SSTR2: variants seen among roughly 807,000 people sequenced by gnomAD.
The protein encoded by SSTR2 is somatostatin receptor type 2.
SSTR2 carries 10 observed loss-of-function variants against 21.4 expected under a neutral mutation model. That is an observed-to-expected ratio of 0.47 (90% confidence interval 0.29 to 0.79). The LOEUF (loss-of-function observed/expected upper bound fraction) is 0.79, where lower values mean the gene tolerates loss of function less well. Among genes scored for constraint, SSTR2 ranks in the 30% least tolerant of loss-of-function variants. The pLI is 0.10. For synonymous variants in SSTR2, 177 were observed against 181.3 expected (o/e 0.98, Z 0.19); for missense variants, 364 against 468.8 (o/e 0.78, Z 2.06).
intron 1 of SSTR2, among the ~76,000 whole-genome samples, chr17:73,166,193 C>A (rs1683745203): frequency 6.6e-6 from 1 of 152,264 alleles, no homozygotes; most frequent in Non-Finnish European, 1.5e-5. Context: ...CGGCTTTTCC[C>A]AGGCGCTCAC....
chr17:73,165,996 G>C (rs2061215068), intron 1 of SSTR2, among the ~76,000 whole-genome samples: 1 of 151,600 alleles, frequency 6.6e-6, no homozygotes, highest in African/African-American at 2.4e-5. Context: ...GGGCGTGCTG[G>C]CGCCACAATC....
At position 73,169,103 on chromosome 17, in the gene SSTR2, T is replaced by C. The variant is rs1245307844; in HGVS notation, c.-92-125T>C. On this transcript the variant is annotated intron_variant, in intron 1 of 1. Transcript: ENST00000357585. The surrounding 1 kb of genome is among the most constrained non-coding windows in gnomAD (Gnocchi z 5.2). ...GAGGAACTCTAGAGCTTAATGTTGA[T>C]GTGGAAAGATAATACATTTTTCAAT... is the stretch of plus-strand genomic sequence containing the variant. 1.2e-5 allele frequency: 7 copies of C among 581,748 alleles called. No individual in the cohort carries two copies. The highest frequency in any genetic ancestry group is 2.1e-5 in the Non-Finnish European group (7 of 331,408). The allele number at this position is 581,748 out of a possible 1,614,324, so 36.0% of individuals were successfully genotyped here.
chr17:73,170,991 G>T lies in SSTR2; in HGVS notation c.*562G>T. 1 of 299,682 alleles carries T rather than the reference G, an allele frequency of 3.3e-6. No homozygotes were observed. The highest frequency in any genetic ancestry group is 7.0e-6 in the Non-Finnish European group (1 of 143,380). 18.6% of individuals were successfully genotyped at this position (299,682 alleles called of 1,614,324 possible). On this transcript the variant is annotated 3_prime_UTR_variant, in exon 2 of 2. Coordinates refer to ENST00000357585, the MANE Select transcript of SSTR2 (RefSeq NM_001050.3). ...ACGGGCCTTGCCAAGGCCCAGGAGG[G>T]ACTTGGGCAGTATGTTCATGTGGTC...
In SSTR2 at chr17:73,169,571, C is replaced by T. The variant is rs1478947277; in HGVS notation, c.252C>T (p.Asn84=). The T allele has an allele frequency of 2.5e-6, 4 of 1,614,162 alleles. No individual in the cohort carries two copies. Among genetic ancestry groups the T allele is most frequent in the Non-Finnish European group, 3.4e-6 (4 of 1,180,062 alleles). ...CCATCACCAACATTTACATCCTCAACCTGGCCATCGCAGATGAGCTCTTCA... is the reference window on the plus strand; with the variant it reads ...CCATCACCAACATTTACATCCTCAATCTGGCCATCGCAGATGAGCTCTTCA... ...MKTITNIYIL[N]LAIADELFML... is the part of the protein sequence containing the mutation. The change falls in exon 2 of 2, where the codon AAC becomes AAT. Residue 84 remains asparagine (N), a synonymous_variant. Coordinates refer to ENST00000357585, the MANE Select transcript of SSTR2 (RefSeq NM_001050.3). The surrounding 1 kb of genome is among the most constrained non-coding windows in gnomAD (Gnocchi z 5.2).
Position 73,169,434 on chromosome 17 carries a change from G to C in SSTR2, c.115G>C (p.Asp39His), listed in dbSNP as rs779149195. 3 of 1,614,228 alleles carry C rather than the reference G, an allele frequency of 1.9e-6. No homozygotes were observed. Among genetic ancestry groups the C allele is most frequent in the Middle Eastern group, 1.6e-4 (1 of 6,062 alleles). Residue 39 changes from aspartate (D) to histidine (H), a missense_variant, in exon 2 of 2, where the codon GAC (aspartate) becomes CAC (histidine). Around this residue, in one of 4 missense-constraint regions of SSTR2, gnomAD observed 75 missense variants for 75.4 expected, o/e 0.99. Transcript: ENST00000357585. This position sits in a 1 kb window ranked among gnomAD's most constrained non-coding sequence, Gnocchi z 5.2. ...CTCAAACCAGACAGAGCCGTACTATGACCTGACAAGCAATGCAGTCCTCAC... is the reference window on the plus strand; with the variant it reads ...CTCAAACCAGACAGAGCCGTACTATCACCTGACAAGCAATGCAGTCCTCAC... ...NTSNQTEPYY[D>H]LTSNAVLTFI...
At position 73,170,603 on chromosome 17, in the gene SSTR2, A is replaced by G. The variant is rs950788878; in HGVS notation, c.*174A>G. ...TTGAGTCAGCTTGTCTGATTGAATG[A>G]TAATGTGCTAAATTGATTACCTCCC... is the stretch of plus-strand genomic sequence containing the variant. On this transcript the variant is annotated 3_prime_UTR_variant, in exon 2 of 2. Transcript: ENST00000357585. 6 of 834,852 alleles carry G rather than the reference A, an allele frequency of 7.2e-6. No homozygotes were observed. The highest frequency in any genetic ancestry group is 1.7e-5 in the African/African-American group (1 of 59,102). The allele number at this position is 834,852 out of a possible 1,614,324, so 51.7% of individuals were successfully genotyped here. A position where few individuals can be genotyped will look rare whatever the true frequency, so the allele number is the denominator to read the frequency against.
At chr17:73,166,692 C>T (rs1192891148) in intron 1 of SSTR2, among the ~76,000 whole-genome samples, 2 of 152,168 alleles carry the variant, frequency 1.3e-5, no homozygotes, top group Non-Finnish European at 2.9e-5. Flanking sequence ...CTCTGGAAGA[C>T]CTTAAGCGGC....
In SSTR2 at chr17:73,171,252, T is replaced by C. The variant is rs1365067163; in HGVS notation, c.*823T>C. 1 of 167,510 alleles carries C rather than the reference T, an allele frequency of 6.0e-6. No individual in the cohort carries two copies. Among genetic ancestry groups the C allele is most frequent in the Non-Finnish European group, 1.5e-5 (1 of 68,466 alleles). 10.4% of individuals were successfully genotyped at this position (167,510 alleles called of 1,614,324 possible). On this transcript the variant is annotated 3_prime_UTR_variant, in exon 2 of 2. Coordinates refer to ENST00000357585, the MANE Select transcript of SSTR2 (RefSeq NM_001050.3). ...TCAGATATAGTCAGAGAATTATTCATTTGCCCAAAAGGACTTAAGTGGTTG... is the reference window on the plus strand; with the variant it reads ...TCAGATATAGTCAGAGAATTATTCACTTGCCCAAAAGGACTTAAGTGGTTG...
In SSTR2 at chr17:73,172,584, C is replaced by A. The variant is rs1196239568; in HGVS notation, c.*2155C>A. The stretch of plus-strand genomic sequence containing the variant: ...TCAATAAGATTTTGGATAGATAAAT[C>A]CATACAAAAATAAAAAGAGGTATAG... On this transcript the variant is annotated 3_prime_UTR_variant, in exon 2 of 2. Transcript: ENST00000357585. The A allele has an allele frequency of 6.6e-6, 1 of 152,060 alleles. No homozygotes were observed. The highest frequency in any genetic ancestry group is 1.9e-4 in the East Asian group (1 of 5,198). 9.4% of individuals were successfully genotyped at this position (152,060 alleles called of 1,614,324 possible).
At position 73,170,848 on chromosome 17, in the gene SSTR2, A is replaced by G; in HGVS notation, c.*419A>G. 2.4e-6 allele frequency: 1 copy of G among 410,450 alleles called. No homozygotes were observed. The highest frequency in any genetic ancestry group is 1.9e-5 in the South Asian group (1 of 53,586). The allele number at this position is 410,450 out of a possible 1,614,324, so 25.4% of individuals were successfully genotyped here. A position where few individuals can be genotyped will look rare whatever the true frequency, so the allele number is the denominator to read the frequency against. ...ATTACCTACGTTCCTGTGTTTACAT[A>G]CACAAGTAGCAAATTCGAGTATGCA... On this transcript the variant is annotated 3_prime_UTR_variant, in exon 2 of 2. Transcript: ENST00000357585.
chr17:73,167,237 T>C (rs1253005116), intron 1 of SSTR2, among the ~76,000 whole-genome samples: 4 of 152,208 alleles, frequency 2.6e-5, no homozygotes, highest in Non-Finnish European at 2.9e-5. Context: ...TTTTACGCAA[T>C]GCAGACATGA....
In SSTR2 at chr17:73,173,401, C is replaced by A. The variant is rs1410638947; in HGVS notation, c.*2972C>A. ...GGCCTTTAAATCTGATGCTATAATT[C>A]CATCCAAATACACAGTTAGGTTTCT... is the stretch of plus-strand genomic sequence containing the variant. On this transcript the variant is annotated 3_prime_UTR_variant, in exon 2 of 2. Coordinates refer to ENST00000357585, the MANE Select transcript of SSTR2 (RefSeq NM_001050.3). The A allele has an allele frequency of 6.6e-6, 1 of 152,166 alleles. No homozygotes were observed. Among genetic ancestry groups the A allele is most frequent in the Non-Finnish European group, 1.5e-5 (1 of 68,038 alleles). 9.4% of individuals were successfully genotyped at this position (152,166 alleles called of 1,614,324 possible).
intron 1 of SSTR2, among the ~76,000 whole-genome samples, chr17:73,167,537 T>G (rs1488619489): frequency 6.6e-6 from 1 of 152,216 alleles, no homozygotes; most frequent in African/African-American, 2.4e-5. Flanking sequence ...CCAAGTGAAT[T>G]AGTCCCACTC....
At position 73,174,242 on chromosome 17, in the gene SSTR2, G is replaced by A. The variant is rs572859365; in HGVS notation, c.*3813G>A. On this transcript the variant is annotated 3_prime_UTR_variant, in exon 2 of 2. Transcript: ENST00000357585. ...TGCAGAGAGGAACACGCGGGCCAGT[G>A]GATGAGGCTTCTAGACCTGGCAGTG... 2.0e-5 allele frequency: 3 copies of A among 152,290 alleles called. No homozygotes were observed. Among genetic ancestry groups the A allele is most frequent in the African/African-American group, 7.2e-5 (3 of 41,570 alleles). 9.4% of individuals were successfully genotyped at this position (152,290 alleles called of 1,614,324 possible). A position where few individuals can be genotyped will look rare whatever the true frequency, so the allele number is the denominator to read the frequency against.
rs1291466670 is a variant in SSTR2 at position 73,175,432 on chromosome 17, C to T, written c.*5003C>T. ...GCCTCAGCCTCCCAAGTAGCAGGGACTACAGGCACGTGCCACCACGCCCAG... is the reference window on the plus strand; with the variant it reads ...GCCTCAGCCTCCCAAGTAGCAGGGATTACAGGCACGTGCCACCACGCCCAG... On this transcript the variant is annotated 3_prime_UTR_variant, in exon 2 of 2. Transcript: ENST00000357585. The T allele has an allele frequency of 6.6e-6, 1 of 152,020 alleles. No individual in the cohort carries two copies. Among genetic ancestry groups the T allele is most frequent in the Non-Finnish European group, 1.5e-5 (1 of 68,072 alleles). 9.4% of individuals were successfully genotyped at this position (152,020 alleles called of 1,614,324 possible).
At chr17:73,167,675 C>A (rs963059653) in intron 1 of SSTR2, among the ~76,000 whole-genome samples, 4 of 152,166 alleles carry the variant, frequency 2.6e-5, no homozygotes, top group Non-Finnish European at 5.9e-5. Context: ...TCCTCTGAGT[C>A]CCCCAGGAAA....
rs1211409631 is a variant in SSTR2, at chr17:73,169,389, T to C, written c.70T>C (p.Ser24Pro). ...ATCCATTCCATTTGACCTCAATGGC[T>C]CTGTGGTGTCAACCAACACCTCAAA... Reference protein sequence around the residue: ...WLSIPFDLNGSVVSTNTSNQT... With the variant: ...WLSIPFDLNGPVVSTNTSNQT... The change falls in exon 2 of 2, where the codon TCT becomes CCT. Residue 24 changes from serine (S) to proline (P), a missense_variant. Physicochemically the swap from Ser to Pro is moderately conservative, Grantham distance 74. Around this residue, in one of 4 missense-constraint regions of SSTR2, gnomAD observed 75 missense variants for 75.4 expected, o/e 0.99. Transcript: ENST00000357585. The surrounding 1 kb of genome is among the most constrained non-coding windows in gnomAD (Gnocchi z 5.2). 8.7e-6 allele frequency: 14 copies of C among 1,614,066 alleles called. No homozygotes were observed. Among genetic ancestry groups the C allele is most frequent in the Non-Finnish European group, 1.2e-5 (14 of 1,180,036 alleles).
chr17:73,169,537 A>G lies in SSTR2; in HGVS notation c.218A>G (p.Lys73Arg), dbSNP rs1239725747. The G allele has an allele frequency of 1.4e-5, 22 of 1,614,300 alleles. No homozygotes were observed. The highest frequency in any genetic ancestry group is 1.9e-5 in the Non-Finnish European group (22 of 1,180,056). ...ATTTATGTCATCCTCCGCTATGCCA[A>G]GATGAAGACCATCACCAACATTTAC... is the stretch of plus-strand genomic sequence containing the variant. ...LVIYVILRYAKMKTITNIYIL... is the reference protein window; with the variant it reads ...LVIYVILRYARMKTITNIYIL... The change falls in exon 2 of 2, where the codon AAG becomes AGG. Residue 73 changes from lysine (K) to arginine (R), a missense_variant. Physicochemically the swap from Lys to Arg is conservative, Grantham distance 26. This residue lies in a region of SSTR2 where 25 missense variants were observed against 66.4 expected (regional missense o/e 0.38). Transcript: ENST00000357585. This position sits in a 1 kb window ranked among gnomAD's most constrained non-coding sequence, Gnocchi z 5.2.
At chr17:73,168,229 A>C (rs1414374326) in intron 1 of SSTR2, 1 of 152,100 alleles carries the variant, frequency 6.6e-6, no homozygotes, top group Non-Finnish European at 1.5e-5. Context: ...AGATCAAGGG[A>C]CTCGTGAGTG....
Sources: gnomAD v4.1 joint callset for allele counts (sites outside exome capture counted in the v4.1 genomes callset) on GRCh38, gnomAD v4.1.1 for gene constraint, gnomAD v4.1.1 regional missense constraint, Gnocchi (gnomAD v3.1) non-coding constraint, MANE v1.5 for transcripts, NCBI Gene and HGNC (gene_info 2026-07-23, HGNC 2026-07-21) for gene names.